ARMCX4: variants seen among roughly 807,000 people sequenced by gnomAD.
ARMCX4 encodes the protein armadillo repeat containing X-linked 4, also known as armadillo repeat-containing X-linked protein 4.
Under a neutral mutation model 34.7 loss-of-function variants are expected in ARMCX4, and 3 were observed. That is an observed-to-expected ratio of 0.09 (90% CI 0.04 to 0.22). The LOEUF (loss-of-function observed/expected upper bound fraction) is 0.22, where lower values mean the gene tolerates loss of function less well. ARMCX4 is among the 10% of genes least tolerant of loss of function. The pLI is 1.00. For missense variants in ARMCX4, 1,448 were observed against 1,720.8 expected (o/e 0.84, Z 2.81); for synonymous variants, 513 against 632.8 (o/e 0.81, Z 2.84).
rs201990606 is a variant in ARMCX4, at chrX:101,434,801, C to T, written n.165-9251C>T. Among the ~76,000 whole-genome samples, 509 of 97,052 alleles carry T rather than the reference C, an allele frequency of 5.2e-3. 4 individuals are homozygous for T. The highest frequency in any genetic ancestry group is 9.0e-3 in the Non-Finnish European group (438 of 48,542). The allele number at this position is 97,052 out of a possible 115,157, so 84.3% of individuals were successfully genotyped here. A position where few individuals can be genotyped will look rare whatever the true frequency, so the allele number is the denominator to read the frequency against. On this transcript the variant is annotated intron_variant and non_coding_transcript_variant, in intron 2 of 3. Coordinates refer to the ARMCX4 transcript ENST00000430461. ...ATCCCTCCCCCCTCCCCTAACCCCA[C>T]AACAGGCCCTGGTGTGTGATGTTCC...
chrX:101,451,674 T>C (rs1321089367), downstream of ARMCX4, among the ~76,000 whole-genome samples: 5 of 111,983 alleles, frequency 4.5e-5, no homozygotes, highest in African/African-American at 1.6e-4. Context: ...TGTATTTTGA[T>C]AGGTGAAGAC....
intron 11 of ARMCX4, among the ~76,000 whole-genome samples, chrX:101,530,321 C>G (rs1257689501): frequency 9.0e-6 from 1 of 110,728 alleles, no homozygotes; most frequent in Non-Finnish European, 1.9e-5. Context: ...ACATCACACA[C>G]CGGAGCCTTC....
chrX:101,489,569 A>G lies in ARMCX4; in HGVS notation c.980A>G (p.Lys327Arg). 8.7e-7 allele frequency: 1 copy of G among 1,154,641 alleles called. No individual in the cohort carries two copies. The highest frequency in any genetic ancestry group is 1.1e-6 in the Non-Finnish European group (1 of 872,464). ...RASAQPQIFA[K>R]TQTEAIPGAK... ...TCTGCTCAGCCTCAAATTTTTGCCA[A>G]AACCCAGACTGAGGCCATTCCTGGG... The change falls in exon 6 of 6, where the codon AAA (lysine) becomes AGA (arginine). Residue 327 changes from lysine (K) to arginine (R), a missense_variant. Lys to Arg is a conservative substitution (Grantham distance 26, BLOSUM62 2). Around this residue, in one of 2 missense-constraint regions of ARMCX4, gnomAD observed 1,343 missense variants for 1,540.7 expected, o/e 0.87. Transcript: ENST00000423738.
chrX:101,475,164 A>T (rs1417786139), intron 4 of ARMCX4, among the ~76,000 whole-genome samples: 1 of 108,990 alleles, frequency 9.2e-6, no homozygotes, highest in African/African-American at 3.4e-5. Context: ...ATAATAAAAA[A>T]ATAAGCTGCG....
At chrX:101,436,676 A>C (rs1242820952) in intron 2 of ARMCX4, among the ~76,000 whole-genome samples, 2 of 111,453 alleles carry the variant, frequency 1.8e-5, no homozygotes, top group African/African-American at 6.5e-5. Context: ...AACTTCCAAC[A>C]CTATGTTGAA....
chrX:101,463,720 C>T (rs1556001538), intron 4 of ARMCX4, among the ~76,000 whole-genome samples: 1 of 111,048 alleles, frequency 9.0e-6, no homozygotes, highest in African/African-American at 3.3e-5. Context: ...CAATTAAGTG[C>T]CTACTATGTG....
intron 2 of ARMCX4, among the ~76,000 whole-genome samples, chrX:101,433,243 TATATACACAC>T (rs1555993063): frequency 0.013 from 336 of 25,439 alleles, 1 homozygote; most frequent in Non-Finnish European, 0.04. Context: ...CACATATGTA[TATATACACAC>T]ATATATACAT....
At chrX:101,531,698 A>G (rs1395595563) in exon 12 of ARMCX4, 2 of 111,581 alleles carry the variant, frequency 1.8e-5, no homozygotes, top group Non-Finnish European at 3.8e-5. Context: ...ACGAACTTCT[A>G]CTCACCAAGG....
intron 2 of ARMCX4, among the ~76,000 whole-genome samples, chrX:101,439,330 C>A (rs782201868): frequency 9.0e-6 from 1 of 111,451 alleles, no homozygotes; most frequent in Non-Finnish European, 1.9e-5. Flanking sequence ...GAGTTTCTGC[C>A]GAGAGATCCG....
intron 2 of ARMCX4, among the ~76,000 whole-genome samples, chrX:101,422,944 A>G (rs1555990326): frequency 1.8e-5 from 2 of 110,830 alleles, no homozygotes. Context: ...GAGTCTCACT[A>G]TGTTGCCCAG....
chrX:101,502,725 T>A (rs1468541060), intron 7 of ARMCX4, among the ~76,000 whole-genome samples: 2 of 111,246 alleles, frequency 1.8e-5, no homozygotes, highest in East Asian at 5.6e-4. Flanking sequence ...CTTTATTTTT[T>A]TTTTATTTTT....
chrX:101,518,632 T>C (rs1203626558), intron 11 of ARMCX4, among the ~76,000 whole-genome samples: 5 of 111,337 alleles, frequency 4.5e-5, no homozygotes, highest in Non-Finnish European at 7.6e-5. Context: ...CTTATTAAAA[T>C]ACAAGGATAT....
rs1933919320 is a variant in ARMCX4 at position 101,490,256 on chromosome X, C to G, written c.1667C>G (p.Thr556Ser). The G allele has an allele frequency of 2.6e-6, 3 of 1,152,886 alleles. No homozygotes were observed. The South Asian group carries it at 5.7e-5, about 22-fold the overall frequency. The change falls in exon 6 of 6, where the codon ACC becomes AGC. Residue 556 changes from threonine to serine, a missense_variant. Thr to Ser is a moderately conservative substitution (Grantham distance 58). Around this residue, in one of 2 missense-constraint regions of ARMCX4, gnomAD observed 1,343 missense variants for 1,540.7 expected, o/e 0.87. Transcript: ENST00000423738. ...TCTQPQAGVKTPAEALLDSRV... is the reference protein window; with the variant it reads ...TCTQPQAGVKSPAEALLDSRV... ...ACACAACCTCAGGCTGGGGTCAAGA[C>G]CCCAGCTGAGGCCTTGCTTGATTCC...
chrX:101,457,114 G>C (rs1254276475), intron 4 of ARMCX4, among the ~76,000 whole-genome samples: 6 of 110,957 alleles, frequency 5.4e-5, no homozygotes, highest in Non-Finnish European at 9.4e-5. Flanking sequence ...GAAGAAAACA[G>C]GTTAATTTAG....
intron 2 of ARMCX4, among the ~76,000 whole-genome samples, chrX:101,436,799 ATTATT>A (rs1930813150): frequency 9.0e-6 from 1 of 111,503 alleles, no homozygotes; most frequent in Admixed American, 9.6e-5. Context: ...GATAGCTCTT[ATTATT>A]TTGAGATACG....
intron 4 of ARMCX4, among the ~76,000 whole-genome samples, chrX:101,466,479 A>G (rs1399741520): frequency 8.9e-6 from 1 of 112,125 alleles, no homozygotes; most frequent in Non-Finnish European, 1.9e-5. Context: ...ACCTAGAAAC[A>G]ACCCAAGTGT....
rs1304321225 is a variant in ARMCX4, at chrX:101,492,284, T to C, written c.3695T>C (p.Ile1232Thr). ...GSWALAGNQAIGELWAAGQAS... is the reference protein window; with the variant it reads ...GSWALAGNQATGELWAAGQAS... Reference sequence around the variant, plus strand: ...TGGGCTCTCGCTGGGAATCAGGCCATTGGAGAGCTTTGGGCTGCGGGTCAG... The same window carrying C: ...TGGGCTCTCGCTGGGAATCAGGCCACTGGAGAGCTTTGGGCTGCGGGTCAG... The change falls in exon 6 of 6, where the codon ATT (isoleucine) becomes ACT (threonine). Residue 1232 changes from isoleucine (I) to threonine (T), a missense_variant. Coordinates refer to ENST00000423738, the MANE Select transcript of ARMCX4 (RefSeq NM_001256155.3). 21 of 1,127,408 alleles carry C rather than the reference T, an allele frequency of 1.9e-5. No homozygotes were observed. The highest frequency in any genetic ancestry group is 2.4e-5 in the Non-Finnish European group (21 of 860,313). The allele number at this position is 1,127,408 out of a possible 1,213,427, so 92.9% of individuals were successfully genotyped here.
intron 11 of ARMCX4, among the ~76,000 whole-genome samples, chrX:101,522,305 C>T (rs1218416228): frequency 1.8e-5 from 2 of 111,116 alleles, no homozygotes; most frequent in Non-Finnish European, 3.8e-5. Flanking sequence ...ATTAGTAAAG[C>T]CCTCCAGGTC....
chrX:101,488,190 C>T (rs1933831116), intron 5 of ARMCX4, 91 bp downstream of exon 5: 2 of 354,538 alleles, frequency 5.6e-6, no homozygotes, highest in Non-Finnish European at 9.3e-6. Flanking sequence ...TCCCATTTAT[C>T]GTCAGACCTC....
Sources: allele counts gnomAD v4.1 joint callset (sites outside exome capture counted in the v4.1 genomes callset), GRCh38; gene constraint gnomAD v4.1.1; regional missense constraint gnomAD v4.1.1; transcripts MANE v1.5; gene names NCBI Gene and HGNC (gene_info 2026-07-23, HGNC 2026-07-21).